The following MICU1 variants were observed in gnomAD, a reference collection of about 807,000 sequenced individuals.
MICU1 encodes the protein mitochondrial calcium uptake 1.
A neutral mutation model predicts 56.8 loss-of-function variants in MICU1; 45 were observed. The observed-to-expected ratio is 0.79, with a 90% CI of 0.62 to 1.02. MICU1 has a LOEUF of 1.02. MICU1 is among the 50% of genes least tolerant of loss of function. The pLI is 0.00. For missense variants in MICU1, 504 were observed against 587.1 expected (o/e 0.86, Z 1.46); for synonymous variants, 186 against 195.1 (o/e 0.95, Z 0.39).
At position 72,435,807 on chromosome 10, in the gene MICU1, C is replaced by T. The variant is rs147532080; in HGVS notation, c.934-12436G>A. On this transcript the variant is annotated intron_variant, in intron 8 of 11. Transcript: ENST00000361114. ...CACTGCTAGCGCAGCAGTCTGCGAT[C>T]GAACTGCAAGGCTGCAGCTGGGCAG... Among the ~76,000 whole-genome samples the T allele has an allele frequency of 5.5e-3, 839 of 152,376 alleles. 7 individuals carry two copies. The highest frequency in any genetic ancestry group is 0.019 in the African/African-American group (795 of 41,600).
chr10:72,441,700 T>C (rs1864940274), intron 8 of MICU1, among the ~76,000 whole-genome samples: 1 of 137,812 alleles, frequency 7.3e-6, no homozygotes, highest in South Asian at 2.4e-4. Context: ...CACTGCAACC[T>C]CTGCCTTCTG....
chr10:72,577,304 G>A (rs981486517), intron 1 of MICU1, among the ~76,000 whole-genome samples: 1 of 152,006 alleles, frequency 6.6e-6, no homozygotes. Flanking sequence ...GAGGTCAGAA[G>A]TTCGAGACCA....
Position 72,570,564 on chromosome 10 carries a change from C to T in MICU1, c.-1-3770G>A, listed in dbSNP as rs369204094. ...TTAGGCATCTCCTAAAATCAATGAG[C>T]TGGTTACTATTAACTCTTCCCTGGG... On this transcript the variant is annotated intron_variant, in intron 1 of 11. Transcript: ENST00000361114. Among the ~76,000 whole-genome samples the T allele has an allele frequency of 9.8e-5, 15 of 152,296 alleles. No individual in the cohort carries two copies. In the South Asian group the frequency reaches 3.1e-3, roughly 32 times the overall value.
At chr10:72,474,171 G>A (rs747654764) in intron 8 of MICU1, among the ~76,000 whole-genome samples, 52 of 141,360 alleles carry the variant, frequency 3.7e-4, no homozygotes, top group Non-Finnish European at 6.0e-4. Flanking sequence ...CAGGAGAATC[G>A]CTTGAACCTG....
chr10:72,429,991 C>T (rs1049588742), intron 8 of MICU1, among the ~76,000 whole-genome samples: 2 of 152,136 alleles, frequency 1.3e-5, no homozygotes, highest in East Asian at 3.8e-4. Flanking sequence ...ATTTTAAAGT[C>T]AACGTGAATC....
chr10:72,500,261 CATATATAT>C lies in MICU1; in HGVS notation c.652+7886_652+7893del, dbSNP rs869065639. ...AAACTATTATATACATACATACATA[CATATATAT>C]ATATATATATATATATATATATATA... On this transcript the variant is annotated intron_variant, in intron 6 of 11. Transcript: ENST00000361114. 7.0e-3 allele frequency among the ~76,000 whole-genome samples: 203 copies of C among 28,866 alleles called. 2 individuals carry two copies. Among genetic ancestry groups the C allele is most frequent in the Non-Finnish European group, 8.1e-3 (106 of 13,044 alleles). The allele number at this position is 28,866 out of a possible 152,430, so 18.9% of individuals were successfully genotyped here.
At chr10:72,382,646 C>T (rs539384485) in intron 10 of MICU1, among the ~76,000 whole-genome samples, 3 of 152,168 alleles carry the variant, frequency 2.0e-5, no homozygotes, top group East Asian at 1.9e-4. Context: ...TGGTGGCTCA[C>T]GCCTGTAATC....
At chr10:72,417,829 C>A (rs1864033567) in intron 9 of MICU1, among the ~76,000 whole-genome samples, 1 of 152,290 alleles carries the variant, frequency 6.6e-6, no homozygotes, top group East Asian at 1.9e-4. Flanking sequence ...ATAAGCCTAG[C>A]TGCACATTAG....
At chr10:72,563,658 A>C (rs1840353391) in intron 2 of MICU1, among the ~76,000 whole-genome samples, 1 of 152,204 alleles carries the variant, frequency 6.6e-6, no homozygotes, top group Non-Finnish European at 1.5e-5. Context: ...TTTCACAATG[A>C]TGTGAATACC....
chr10:72,595,504 T>C (rs1392954671), intron 1 of MICU1, among the ~76,000 whole-genome samples: 2 of 129,254 alleles, frequency 1.5e-5, no homozygotes, highest in East Asian at 2.2e-4. Context: ...ACATCAAAGA[T>C]AAGAGCAGTA....
intron 6 of MICU1, among the ~76,000 whole-genome samples, chr10:72,480,348 T>C (rs148843900): frequency 1.7e-3 from 252 of 152,314 alleles, no homozygotes; most frequent in African/African-American, 5.8e-3. Flanking sequence ...TCAGACGGGA[T>C]CTGCTAAATT....
At chr10:72,540,207 C>A (rs1839736011) in intron 4 of MICU1, among the ~76,000 whole-genome samples, 3 of 143,944 alleles carry the variant, frequency 2.1e-5, no homozygotes, top group African/African-American at 7.8e-5. Flanking sequence ...ATGGAGGTTG[C>A]AGTGAGCCGA....
intron 5 of MICU1, chr10:72,523,772 C>T: frequency 7.1e-7 from 1 of 1,406,256 alleles, no homozygotes; most frequent in Non-Finnish European, 9.3e-7. Context: ...TTAAAGAGCC[C>T]AAGCCTTCAA....
chr10:72,418,888 A>G (rs1864068887), intron 9 of MICU1, among the ~76,000 whole-genome samples: 1 of 152,246 alleles, frequency 6.6e-6, no homozygotes, highest in Non-Finnish European at 1.5e-5. Flanking sequence ...AAACTATTTA[A>G]TCAACATGAG....
intron 8 of MICU1, among the ~76,000 whole-genome samples, chr10:72,460,418 T>TA (rs1865606856): frequency 6.6e-6 from 1 of 152,066 alleles, no homozygotes; most frequent in South Asian, 2.1e-4. Context: ...GTAGCTTTAA[T>TA]AAAAAAACAC....
intron 1 of MICU1, among the ~76,000 whole-genome samples, chr10:72,572,942 TCTA>T (rs1262507041): frequency 7.9e-5 from 12 of 152,116 alleles, no homozygotes; most frequent in Non-Finnish European, 1.6e-4. Context: ...AAATTCCACT[TCTA>T]ATAATATACC....
intron 1 of MICU1, among the ~76,000 whole-genome samples, chr10:72,587,110 G>A (rs1201488245): frequency 6.6e-6 from 1 of 152,116 alleles, no homozygotes; most frequent in African/African-American, 2.4e-5. Flanking sequence ...ATGTCATGAA[G>A]AATAAAGAAG....
In MICU1 at chr10:72,475,131, C is replaced by T. The variant is rs754187624; in HGVS notation, c.902G>A (p.Arg301His). The change falls in exon 8 of 12, where the codon CGT becomes CAT. Residue 301 changes from arginine (R) to histidine (H), a missense_variant. Arg to His is a conservative substitution (Grantham distance 29, BLOSUM62 0). Transcript: ENST00000361114. ...LTIKNFLEFQ[R>H]KLQHDVLKLE... ...CTTCAGAACATCATGCTGCAGTTTA[C>T]GCTGAAATTCGAGGAAGTTTTTGAT... is the stretch of plus-strand genomic sequence containing the variant. 56 of 1,610,468 alleles carry T rather than the reference C, an allele frequency of 3.5e-5. No homozygotes were observed. The highest frequency in any genetic ancestry group is 6.7e-5 in the East Asian group (3 of 44,834).
At chr10:72,475,721 G>A (rs927163845) in intron 7 of MICU1, 12 of 376,602 alleles carry the variant, frequency 3.2e-5, no homozygotes, top group Admixed American at 1.3e-4. Flanking sequence ...GAGCCACCGC[G>A]CCCAGCCTAC....
Sources: allele counts gnomAD v4.1 joint callset (sites outside exome capture counted in the v4.1 genomes callset), GRCh38; gene constraint gnomAD v4.1.1; transcripts MANE v1.5; gene names NCBI Gene and HGNC (gene_info 2026-07-23, HGNC 2026-07-21).